Variants in CDH18 observed in about 807,000 individuals in gnomAD.
CDH18 encodes cadherin-18.
Under a neutral mutation model 67.9 loss-of-function variants are expected in CDH18, and 31 were observed. The ratio of observed to expected loss-of-function variants is 0.46; its 90% CI spans 0.34 to 0.62. The LOEUF is 0.62. CDH18 is among the 20% of genes least tolerant of loss of function. CDH18 has a pLI of 0.01. For missense variants in CDH18, 890 were observed against 975.5 expected (o/e 0.91, Z 1.17); for synonymous variants, 362 against 347.2 (o/e 1.04, Z -0.48).
chr5:20,395,855 A>G (rs1415682104), intron 1 of CDH18, among the ~76,000 whole-genome samples: 1 of 152,004 alleles, frequency 6.6e-6, no homozygotes, highest in Non-Finnish European at 1.5e-5. Context: ...AGAAACCCAA[A>G]AGGACTGGGT....
At chr5:20,568,559 A>T (rs1361425013) in intron 1 of CDH18, among the ~76,000 whole-genome samples, 1 of 152,198 alleles carries the variant, frequency 6.6e-6, no homozygotes, top group Non-Finnish European at 1.5e-5. Context: ...AAGAATATTA[A>T]AAGCAAACTA....
At chr5:20,540,293 A>G (rs966778368) in intron 1 of CDH18, among the ~76,000 whole-genome samples, 19 of 152,050 alleles carry the variant, frequency 1.2e-4, no homozygotes, top group African/African-American at 3.9e-4. Flanking sequence ...ATAGTACTAA[A>G]TTTCAAAAGA....
At chr5:20,085,381 C>A (rs1744853307) in intron 2 of CDH18, among the ~76,000 whole-genome samples, 1 of 152,130 alleles carries the variant, frequency 6.6e-6, no homozygotes, top group Non-Finnish European at 1.5e-5. Context: ...TTGGTCAAAG[C>A]CATTCAACAA....
intron 3 of CDH18, among the ~76,000 whole-genome samples, chr5:19,765,933 G>A (rs1230873054): frequency 6.6e-6 from 1 of 151,478 alleles, no homozygotes; most frequent in Non-Finnish European, 1.5e-5. Flanking sequence ...AGGCTGGAGT[G>A]CAATGACATG....
chr5:20,020,855 A>G (rs1738352086), intron 2 of CDH18, among the ~76,000 whole-genome samples: 1 of 152,108 alleles, frequency 6.6e-6, no homozygotes. Context: ...TAGCTATGAG[A>G]AGAAGACCAC....
chr5:20,448,114 C>T (rs1262942702), intron 1 of CDH18, among the ~76,000 whole-genome samples: 3 of 151,682 alleles, frequency 2.0e-5, no homozygotes, highest in African/African-American at 7.3e-5. Context: ...CAAGCGCTCT[C>T]GTTCAATTCC....
intron 5 of CDH18, among the ~76,000 whole-genome samples, chr5:19,642,008 A>G (rs1754071713): frequency 6.6e-6 from 1 of 152,110 alleles, no homozygotes; most frequent in Admixed American, 6.5e-5. Context: ...AGGATCCCAA[A>G]TCAGTACATC....
chr5:19,816,626 T>C (rs555457922), intron 3 of CDH18, among the ~76,000 whole-genome samples: 1 of 151,994 alleles, frequency 6.6e-6, no homozygotes, highest in South Asian at 2.1e-4. Flanking sequence ...ATCTAGTCAA[T>C]AGTTAATGAC....
At chr5:19,860,605 G>T (rs948210831) in intron 2 of CDH18, among the ~76,000 whole-genome samples, 11 of 151,092 alleles carry the variant, frequency 7.3e-5, no homozygotes, top group Admixed American at 1.3e-4. Context: ...ATGCTTCAAG[G>T]TTCTGTACAT....
In CDH18 at chr5:20,146,427, T is replaced by G. The variant is rs183045423; in HGVS notation, c.-518+109017A>C. Reference sequence around the variant, plus strand: ...AGGTCTTAACTATCACAACCTGAAATTTACTTGTGTAAATTATAATATAAT... The same window carrying G: ...AGGTCTTAACTATCACAACCTGAAAGTTACTTGTGTAAATTATAATATAAT... On this transcript the variant is annotated intron_variant, in intron 2 of 14. Coordinates refer to the CDH18 transcript ENST00000507958. 2.5e-3 allele frequency among the ~76,000 whole-genome samples: 388 copies of G among 152,212 alleles called. 2 individuals carry two copies. Among genetic ancestry groups the G allele is most frequent in the African/African-American group, 9.1e-3 (377 of 41,546 alleles).
intron 2 of CDH18, among the ~76,000 whole-genome samples, chr5:20,202,993 C>G (rs1016904707): frequency 6.6e-6 from 1 of 152,072 alleles, no homozygotes; most frequent in Admixed American, 6.6e-5. Context: ...GAGGATGAGA[C>G]AGTACCTACT....
intron 2 of CDH18, among the ~76,000 whole-genome samples, chr5:20,044,926 A>G (rs1031591612): frequency 1.3e-5 from 2 of 152,162 alleles, no homozygotes; most frequent in African/African-American, 4.8e-5. Context: ...TAAAAATGTG[A>G]GGCAAATAAA....
intron 2 of CDH18, among the ~76,000 whole-genome samples, chr5:20,211,312 G>A (rs1283480575): frequency 6.6e-6 from 1 of 152,082 alleles, no homozygotes; most frequent in Admixed American, 6.6e-5. Context: ...CCACCTCTGG[G>A]GGTAGGACAT....
chr5:20,234,039 A>C (rs1372154385), intron 2 of CDH18, among the ~76,000 whole-genome samples: 1 of 152,148 alleles, frequency 6.6e-6, no homozygotes. Flanking sequence ...TACCATAATA[A>C]CAACACTTTC....
At chr5:20,388,056 T>C (rs1172071527) in intron 1 of CDH18, among the ~76,000 whole-genome samples, 3 of 152,190 alleles carry the variant, frequency 2.0e-5, no homozygotes, top group African/African-American at 7.2e-5. Flanking sequence ...TGCCAGGCTT[T>C]GGTATCAGGA....
At chr5:19,640,466 T>C (rs1753841623) in intron 5 of CDH18, among the ~76,000 whole-genome samples, 1 of 151,666 alleles carries the variant, frequency 6.6e-6, no homozygotes, top group Non-Finnish European at 1.5e-5. Flanking sequence ...CAAAAACAGA[T>C]AAAGAGAAAA....
At chr5:19,648,730 G>A (rs184864530) in intron 5 of CDH18, among the ~76,000 whole-genome samples, 6 of 151,696 alleles carry the variant, frequency 4.0e-5, no homozygotes, top group Admixed American at 3.3e-4. Flanking sequence ...AAAAAGCTTA[G>A]CTTCGAACCA....
intron 2 of CDH18, among the ~76,000 whole-genome samples, chr5:20,047,527 G>T (rs184723919): frequency 6.6e-6 from 1 of 151,816 alleles, no homozygotes; most frequent in African/African-American, 2.4e-5. Context: ...AGAAACAAAG[G>T]TTTGCATTCT....
chr5:19,998,599 T>A (rs1736197807), intron 2 of CDH18, among the ~76,000 whole-genome samples: 1 of 152,166 alleles, frequency 6.6e-6, no homozygotes, highest in South Asian at 2.1e-4. Flanking sequence ...TATATATAAT[T>A]GTTCAATATC....
Sources: allele counts gnomAD v4.1 joint callset (sites outside exome capture counted in the v4.1 genomes callset), GRCh38; gene constraint gnomAD v4.1.1; transcripts MANE v1.5; gene names NCBI Gene and HGNC (gene_info 2026-07-23, HGNC 2026-07-21).